The following MUCL1 variants were observed in gnomAD, a reference collection of about 807,000 sequenced individuals.
MUCL1 encodes the protein mucin like 1.
Under a neutral mutation model 9.2 loss-of-function variants are expected in MUCL1, and 11 were observed. The ratio of observed to expected loss-of-function variants is 1.19; its 90% CI spans 0.75 to 1.97. The LOEUF is 1.97. Among genes scored for constraint, MUCL1 ranks in the 30% most tolerant of loss-of-function variants. The probability of loss-of-function intolerance (pLI) is 0.00; values close to 1 mark genes in which losing one functional copy is unlikely to be tolerated. For missense variants in MUCL1, 144 were observed against 110.9 expected (o/e 1.30, Z -1.34); for synonymous variants, 48 against 40.5 (o/e 1.19, Z -0.71).
chr12:54,846,649 T>G (rs1386365166), intron 1 of MUCL1, among the ~76,000 whole-genome samples: 2 of 152,130 alleles, frequency 1.3e-5, no homozygotes, highest in African/African-American at 2.4e-5. Context: ...TTCTTTTACT[T>G]AACTACAAAG....
chr12:54,843,227 A>G (rs141971063), intron 1 of MUCL1, among the ~76,000 whole-genome samples: 1 of 152,328 alleles, frequency 6.6e-6, no homozygotes, highest in East Asian at 1.9e-4. Flanking sequence ...TCCCAGGAGA[A>G]TGCTTTTGAT....
chr12:54,850,856 C>G (rs1364402658), upstream of MUCL1, among the ~76,000 whole-genome samples: 9 of 152,178 alleles, frequency 5.9e-5, no homozygotes, highest in East Asian at 1.7e-3. Flanking sequence ...GCCATTCTAA[C>G]TGGTGTGAGA....
At chr12:54,843,315 T>C (rs1215639217) in intron 1 of MUCL1, among the ~76,000 whole-genome samples, 1 of 152,214 alleles carries the variant, frequency 6.6e-6, no homozygotes, top group Non-Finnish European at 1.5e-5. Context: ...AGCTTTAAAA[T>C]AATGAATGGG....
At chr12:54,853,474 C>G (rs114294035), upstream of MUCL1, among the ~76,000 whole-genome samples, 91 of 152,302 alleles carry the variant, frequency 6.0e-4, no homozygotes, top group African/African-American at 1.9e-3. Flanking sequence ...TCTACATGCA[C>G]TCACCATTGC....
chr12:54,840,387 T>G (rs939056546), intron 1 of MUCL1, among the ~76,000 whole-genome samples: 1 of 152,218 alleles, frequency 6.6e-6, no homozygotes, highest in Non-Finnish European at 1.5e-5. Flanking sequence ...ATGATATGAA[T>G]AAGTTTCCTT....
At chr12:54,856,555 G>A (rs892650535) in intron 2 of MUCL1, among the ~76,000 whole-genome samples, 1 of 152,124 alleles carries the variant, frequency 6.6e-6, no homozygotes, top group Non-Finnish European at 1.5e-5. Flanking sequence ...CATTGCCCTT[G>A]GAGGGAAACC....
At chr12:54,841,083 A>G (rs1323518401) in intron 1 of MUCL1, among the ~76,000 whole-genome samples, 5 of 152,140 alleles carry the variant, frequency 3.3e-5, no homozygotes, top group African/African-American at 1.2e-4. Flanking sequence ...AGATCATGTA[A>G]TATTTGTCTT....
chr12:54,840,502 A>C (rs980198601), intron 1 of MUCL1, among the ~76,000 whole-genome samples: 7 of 152,234 alleles, frequency 4.6e-5, no homozygotes, highest in Non-Finnish European at 7.3e-5. Flanking sequence ...TGGTGGTAGC[A>C]GTGGGATTGG....
At chr12:54,833,580 A>G (rs1321766480) in intron 1 of MUCL1, among the ~76,000 whole-genome samples, 2 of 152,082 alleles carry the variant, frequency 1.3e-5, no homozygotes, top group African/African-American at 4.8e-5. Context: ...ACTTTTCCCC[A>G]ATGGTTATAT....
chr12:54,843,162 C>T (rs1037340432), intron 1 of MUCL1, among the ~76,000 whole-genome samples: 15 of 152,170 alleles, frequency 9.9e-5, no homozygotes, highest in Admixed American at 7.9e-4. Context: ...ATGTATTTCT[C>T]AGGATGTATT....
At chr12:54,854,750 A>G (rs1868286842) in intron 1 of MUCL1, 110 bp downstream of exon 1, 3 of 901,880 alleles carry the variant, frequency 3.3e-6, no homozygotes, top group East Asian at 5.0e-5. Flanking sequence ...TACCTCTCCT[A>G]ACTTGTTCTA....
rs116727381 is a variant in MUCL1, at chr12:54,846,630, G to A, written c.43+7183G>A. On this transcript the variant is annotated intron_variant, in intron 1 of 3. Coordinates refer to the MUCL1 transcript ENST00000546809. ...GGGAAACAATGAGAAGTAGGAGAAA[G>A]ACTGGAAGTTCTTTTACTTAACTAC... 6.2e-3 allele frequency among the ~76,000 whole-genome samples: 948 copies of A among 152,266 alleles called. 10 individuals are homozygous for A. The highest frequency in any genetic ancestry group is 0.021 in the African/African-American group (855 of 41,548).
upstream of MUCL1, chr12:54,854,387 G>T: frequency 1.8e-6 from 1 of 554,618 alleles, no homozygotes; most frequent in Non-Finnish European, 3.2e-6. Context: ...AGGGCCCCTG[G>T]CTGTGTTGTT....
chr12:54,843,153 T>C (rs970818), intron 1 of MUCL1, among the ~76,000 whole-genome samples: 144,501 of 152,242 alleles, frequency 0.95, 68,651 homozygotes, highest in East Asian at 1. Context: ...CACCTAATGA[T>C]GTATTTCTCA....
chr12:54,858,221 G>C lies in MUCL1; in HGVS notation c.252G>C (p.Pro84=), dbSNP rs138235110. ...TACCCAAATGGGTTGGGGATCTCCC[G>C]AATGGTAGAGTGTGTCCCTGAGATG... ...PVLPKWVGDL[P]NGRVCP The change falls in exon 4 of 4, where the codon CCG becomes CCC. Residue 84 remains proline (P), a synonymous_variant. Transcript: ENST00000308796. 3.8e-5 allele frequency: 62 copies of C among 1,613,454 alleles called. No individual in the cohort carries two copies. In the African/African-American group the frequency reaches 7.7e-4, roughly 20 times the overall value.
chr12:54,835,051 C>A (rs1470365767), upstream of MUCL1, among the ~76,000 whole-genome samples: 1 of 152,114 alleles, frequency 6.6e-6, no homozygotes, highest in Non-Finnish European at 1.5e-5. Context: ...CTTCCAGCTC[C>A]ATCCAAGTTG....
chr12:54,853,299 G>A (rs1373307196), upstream of MUCL1, among the ~76,000 whole-genome samples: 1 of 152,180 alleles, frequency 6.6e-6, no homozygotes, highest in Non-Finnish European at 1.5e-5. Context: ...TGAGGCCTCA[G>A]TTGGGTCCAG....
chr12:54,831,887 A>G (rs2121476035), intron 1 of MUCL1, among the ~76,000 whole-genome samples: 1 of 152,186 alleles, frequency 6.6e-6, no homozygotes, highest in South Asian at 2.1e-4. Context: ...ACAATTATCT[A>G]CCTCCTAATT....
chr12:54,834,132 T>C (rs1959189196), intron 1 of MUCL1, among the ~76,000 whole-genome samples: 2 of 152,186 alleles, frequency 1.3e-5, no homozygotes, highest in Non-Finnish European at 2.9e-5. Context: ...GATTTTGTTC[T>C]ATATAAGACA....
Sources: allele counts gnomAD v4.1 joint callset (sites outside exome capture counted in the v4.1 genomes callset), GRCh38; gene constraint gnomAD v4.1.1; transcripts MANE v1.5; gene names NCBI Gene and HGNC (gene_info 2026-07-23, HGNC 2026-07-21).